The following BTG3 variants were observed in gnomAD, a reference collection of about 807,000 sequenced individuals.
BTG3 encodes protein BTG3.
In BTG3, 4 loss-of-function variants were observed where a neutral mutation model predicts 25.8. The ratio of observed to expected loss-of-function variants is 0.16; its 90% CI spans 0.08 to 0.36. The LOEUF is 0.36. Among genes scored for constraint, BTG3 ranks in the 10% least tolerant of loss-of-function variants. BTG3 has a pLI of 1.00. For synonymous variants in BTG3, 107 were observed against 99.9 expected (o/e 1.07, Z -0.42); for missense variants, 201 against 304.9 (o/e 0.66, Z 2.54).
At chr21:17,612,569 T>TG (rs1482553344) in intron 1 of BTG3, 130 bp downstream of exon 1, 8 of 151,684 alleles carry the variant, frequency 5.3e-5, no homozygotes, top group Admixed American at 2.0e-4. Flanking sequence ...TTCCATCCCC[T>TG]GCCCCTCCCC....
intron 2 of BTG3, among the ~76,000 whole-genome samples, chr21:17,606,007 A>G (rs957236404): frequency 2.0e-5 from 3 of 152,212 alleles, no homozygotes; most frequent in Non-Finnish European, 4.4e-5. Context: ...AGTTTTTGTA[A>G]AAGTTAAATT....
Position 17,593,900 on chromosome 21 carries a change from C to G in BTG3, c.*193G>C. 1 of 698,448 alleles carries G rather than the reference C, an allele frequency of 1.4e-6. No homozygotes were observed. The highest frequency in any genetic ancestry group is 2.2e-6 in the Non-Finnish European group (1 of 458,424). The allele number at this position is 698,448 out of a possible 1,614,324, so 43.3% of individuals were successfully genotyped here. On this transcript the variant is annotated 3_prime_UTR_variant, in exon 5 of 5. Coordinates refer to ENST00000348354, the MANE Select transcript of BTG3 (RefSeq NM_006806.5). ...CACTTGACTAACTTTAATAAAATTT[C>G]TCAAACTATATCAATATCTAAAGTG...
chr21:17,595,770 C>T (rs568825419), intron 4 of BTG3, among the ~76,000 whole-genome samples: 16 of 152,022 alleles, frequency 1.1e-4, no homozygotes, highest in African/African-American at 3.6e-4. Flanking sequence ...GCTTTATAGG[C>T]ATATTTTCGT....
intron 3 of BTG3, among the ~76,000 whole-genome samples, chr21:17,602,505 T>C (rs1230945894): frequency 6.6e-6 from 1 of 152,214 alleles, no homozygotes; most frequent in Non-Finnish European, 1.5e-5. Flanking sequence ...AAAATATTTC[T>C]CAATGTCTTT....
intron 4 of BTG3, among the ~76,000 whole-genome samples, chr21:17,594,949 A>ATGTT (rs1491365249): frequency 6.6e-6 from 1 of 151,930 alleles, no homozygotes; most frequent in Non-Finnish European, 1.5e-5. Context: ...CCTGTGACAC[A>ATGTT]TGTTTACCTA....
chr21:17,595,772 T>C (rs1216102031), intron 4 of BTG3, among the ~76,000 whole-genome samples: 1 of 152,044 alleles, frequency 6.6e-6, no homozygotes, highest in South Asian at 2.1e-4. Context: ...TTTATAGGCA[T>C]ATTTTCGTTT....
intron 4 of BTG3, among the ~76,000 whole-genome samples, chr21:17,595,735 A>G (rs1476224161): frequency 6.6e-6 from 1 of 152,060 alleles, no homozygotes; most frequent in Non-Finnish European, 1.5e-5. Context: ...GCAATGAATA[A>G]CAGCACAGTT....
intron 4 of BTG3, 116 bp downstream of exon 4, chr21:17,598,501 A>G (rs1174728953): frequency 2.4e-6 from 2 of 838,932 alleles, no homozygotes; most frequent in Non-Finnish European, 3.6e-6. Context: ...GGGAAAGGCA[A>G]GAACTATTAT....
chr21:17,595,107 C>G (rs1030341439), intron 4 of BTG3, among the ~76,000 whole-genome samples: 1 of 151,940 alleles, frequency 6.6e-6, no homozygotes. Context: ...ACAAAGCTCC[C>G]CAGGTGATTC....
At chr21:17,604,669 G>A (rs558238149) in intron 3 of BTG3, among the ~76,000 whole-genome samples, 191 bp downstream of exon 3, 4 of 152,128 alleles carry the variant, frequency 2.6e-5, no homozygotes, top group East Asian at 1.9e-4. Flanking sequence ...TTCTTTTTTC[G>A]GCTATAAAGC....
chr21:17,608,594 C>T lies in BTG3; in HGVS notation c.173+378G>A, dbSNP rs543718383. ...CAAAGAACATATAACATGTAATTTA[C>T]TTTTAGATGCAAGATTCACTTCTTT... On this transcript the variant is annotated intron_variant, in intron 2 of 4. Coordinates refer to ENST00000348354, the MANE Select transcript of BTG3 (RefSeq NM_006806.5). Among the ~76,000 whole-genome samples, 20 of 151,092 alleles carry T rather than the reference C, an allele frequency of 1.3e-4. No individual in the cohort carries two copies. In the South Asian group the frequency reaches 3.4e-3, roughly 25 times the overall value.
chr21:17,598,675 C>T lies in BTG3; in HGVS notation c.461G>A (p.Ser154Asn), dbSNP rs1342390988. ...ACTGGGTTTCACTTCCATTTCCTTA[C>T]TTGTTTCTTCATCTGAAGAAGAGGA... ...SGSSSSDEETSKEMEVKPSSV... is the reference protein window; with the variant it reads ...SGSSSSDEETNKEMEVKPSSV... Residue 154 changes from serine to asparagine, a missense_variant, in exon 4 of 5, where the codon AGT (serine) becomes AAT (asparagine). This residue lies in a region of BTG3 where 131 missense variants were observed against 129.3 expected (regional missense o/e 1.01). Transcript: ENST00000348354. 4 of 1,614,102 alleles carry T rather than the reference C, an allele frequency of 2.5e-6. No individual in the cohort carries two copies. Among genetic ancestry groups the T allele is most frequent in the Admixed American group, 1.7e-5 (1 of 60,008 alleles).
At chr21:17,609,977 G>A (rs1339232582) in intron 1 of BTG3, among the ~76,000 whole-genome samples, 4 of 152,142 alleles carry the variant, frequency 2.6e-5, no homozygotes, top group Non-Finnish European at 4.4e-5. Context: ...TACATGTAAT[G>A]GAATATTATT....
chr21:17,599,853 T>C lies in BTG3; in HGVS notation c.312-1029A>G, dbSNP rs557967490. 4.6e-5 allele frequency among the ~76,000 whole-genome samples: 7 copies of C among 152,284 alleles called. No individual in the cohort carries two copies. In the South Asian group the frequency reaches 8.3e-4, roughly 18 times the overall value. ...GATCAACTAGAAATTTCCTATAAAATTGACTTTAACCCCAATTAAATAAAA... is the reference window on the plus strand; with the variant it reads ...GATCAACTAGAAATTTCCTATAAAACTGACTTTAACCCCAATTAAATAAAA... On this transcript the variant is annotated intron_variant, in intron 3 of 4. Coordinates refer to ENST00000348354, the MANE Select transcript of BTG3 (RefSeq NM_006806.5).
chr21:17,597,195 A>G (rs931037713), intron 4 of BTG3, among the ~76,000 whole-genome samples: 3 of 152,086 alleles, frequency 2.0e-5, no homozygotes, highest in Admixed American at 6.5e-5. Context: ...AATAAATGCA[A>G]TTTAATTTTA....
At chr21:17,599,306 A>G (rs1302782206) in intron 3 of BTG3, among the ~76,000 whole-genome samples, 1 of 151,598 alleles carries the variant, frequency 6.6e-6, no homozygotes, top group Non-Finnish European at 1.5e-5. Context: ...CAAACCTCCC[A>G]AGAGGCTGGG....
In BTG3 at chr21:17,594,443, A is replaced by G; in HGVS notation, c.520-111T>C. The G allele has an allele frequency of 3.3e-6, 4 of 1,228,618 alleles. No individual in the cohort carries two copies. The East Asian group carries it at 9.7e-5, about 30-fold the overall frequency. 76.1% of individuals were successfully genotyped at this position (1,228,618 alleles called of 1,614,324 possible). ...TACCCACAACACTGAGATCACATCT[A>G]AGTGACACTCCTATTGTCAGGTCTA... On this transcript the variant is annotated intron_variant, in intron 4 of 4. Transcript: ENST00000348354.
At chr21:17,594,499 G>T (rs776165689) in intron 4 of BTG3, among the ~76,000 whole-genome samples, 167 bp from the exon 5 acceptor site, 1 of 152,042 alleles carries the variant, frequency 6.6e-6, no homozygotes, top group Admixed American at 6.6e-5. Flanking sequence ...TGTAATAGGC[G>T]TATAATGTAT....
chr21:17,597,958 G>A (rs1001521799), intron 4 of BTG3, among the ~76,000 whole-genome samples: 1 of 152,004 alleles, frequency 6.6e-6, no homozygotes, highest in Admixed American at 6.6e-5. Context: ...TTAGTAATAA[G>A]TACATTTACA....
Sources: allele counts gnomAD v4.1 joint callset (sites outside exome capture counted in the v4.1 genomes callset), GRCh38; gene constraint gnomAD v4.1.1; regional missense constraint gnomAD v4.1.1; transcripts MANE v1.5; gene names NCBI Gene and HGNC (gene_info 2026-07-23, HGNC 2026-07-21).